SENP1: variants seen among roughly 807,000 people sequenced by gnomAD.
SENP1 encodes the protein SUMO specific peptidase 1, also known as sentrin-specific protease 1.
SENP1 carries 21 observed loss-of-function variants against 93.0 expected under a neutral mutation model. That is an observed-to-expected ratio of 0.23 (90% CI 0.16 to 0.33). The LOEUF is 0.33. Among genes scored for constraint, SENP1 ranks in the 10% least tolerant of loss-of-function variants. The pLI is 1.00. For synonymous variants in SENP1, 256 were observed against 259.6 expected, an observed-to-expected ratio of 0.99 and a Z score of 0.13; for missense variants, 591 against 758.7, an observed-to-expected ratio of 0.78 and a Z score of 2.60.
intron 3 of SENP1, among the ~76,000 whole-genome samples, chr12:48,096,702 C>T (rs1945586514): frequency 1.3e-5 from 2 of 152,136 alleles, no homozygotes; most frequent in African/African-American, 4.8e-5. Context: ...GTGATCCGCC[C>T]ACCTCGGCCT....
At chr12:48,056,526 CATATATAAATATATTATTTAAT>C (rs1565744411) in intron 13 of SENP1, among the ~76,000 whole-genome samples, 1,640 of 69,002 alleles carry the variant, frequency 0.024, 111 homozygotes, top group East Asian at 0.041. Flanking sequence ...TAATATATTA[CATATATAAATATATTATTTAAT>C]ATATTACATA....
intron 14 of SENP1, among the ~76,000 whole-genome samples, 158 bp downstream of exon 14, chr12:48,048,770 AT>A (rs1941563718): frequency 6.6e-6 from 1 of 152,174 alleles, no homozygotes; most frequent in East Asian, 1.9e-4. Context: ...CCCAATCTTG[AT>A]AGGAAGTTCA....
intron 1 of SENP1, among the ~76,000 whole-genome samples, chr12:48,102,810 C>CAAAA (rs1221712691): frequency 1.6e-4 from 13 of 83,134 alleles, no homozygotes; most frequent in African/African-American, 4.4e-4. Context: ...GACTCCGTCT[C>CAAAA]AAAAAAAAAA....
intron 8 of SENP1, 68 bp downstream of exon 8, chr12:48,074,256 G>A (rs1943910923): frequency 8.0e-7 from 1 of 1,253,732 alleles, no homozygotes; most frequent in Admixed American, 2.0e-5. Context: ...AATGTTGCCT[G>A]TAATGAGCTA....
intron 6 of SENP1, among the ~76,000 whole-genome samples, chr12:48,075,270 A>C (rs1943988557): frequency 6.6e-6 from 1 of 152,030 alleles, no homozygotes; most frequent in Admixed American, 6.6e-5. Context: ...TCAAGTGTGT[A>C]AAAGACAGGT....
intron 1 of SENP1, among the ~76,000 whole-genome samples, chr12:48,103,768 G>C (rs1053536719): frequency 2.0e-5 from 3 of 152,304 alleles, no homozygotes; most frequent in African/African-American, 7.2e-5. Flanking sequence ...GATGAAGTCA[G>C]GTTAGTAGTG....
At position 48,044,735 on chromosome 12, in the gene SENP1, T is replaced by C. The variant is rs1941242030; in HGVS notation, c.*587A>G. 6.5e-6 allele frequency: 1 copy of C among 153,190 alleles called. No homozygotes were observed. The highest frequency in any genetic ancestry group is 1.5e-5 in the Non-Finnish European group (1 of 68,528). The allele number at this position is 153,190 out of a possible 1,614,324, so 9.5% of individuals were successfully genotyped here. On this transcript the variant is annotated 3_prime_UTR_variant, in exon 18 of 18. Coordinates refer to ENST00000549518, the MANE Select transcript of SENP1 (RefSeq NM_001267594.2). ...ACAGCTACGTATAAAAGCAGATGGA[T>C]TTTGTATAGGGACATATAAATAGGA...
At chr12:48,105,558 G>A in intron 1 of SENP1, 1 of 502,070 alleles carries the variant, frequency 2.0e-6, no homozygotes, top group East Asian at 5.5e-5. Context: ...ATGTTTACGT[G>A]AGACGCAGAA....
rs1015568034 is a variant in SENP1, at chr12:48,083,216, T to C, written c.552+375A>G. ...CACGTCACGTGGACTGAAATAAAAT[T>C]TTATCAAAAACTACGGAGGAAGAGT... On this transcript the variant is annotated intron_variant, in intron 6 of 17. Transcript: ENST00000549518. Among the ~76,000 whole-genome samples the C allele has an allele frequency of 2.0e-5, 3 of 152,260 alleles. No homozygotes were observed. The East Asian group carries it at 5.8e-4, about 29-fold the overall frequency.
chr12:48,056,707 C>A (rs796123173), intron 13 of SENP1, among the ~76,000 whole-genome samples: 800 of 68,108 alleles, frequency 0.012, 10 homozygotes, highest in Middle Eastern at 0.069. Flanking sequence ...TAATATATTA[C>A]ATATTACATA....
chr12:48,078,777 C>T (rs945656088), intron 6 of SENP1, among the ~76,000 whole-genome samples: 1 of 152,164 alleles, frequency 6.6e-6, no homozygotes, highest in Non-Finnish European at 1.5e-5. Context: ...AAACTTTAAA[C>T]AAAATTCTTT....
In SENP1 at chr12:48,067,008, T is replaced by C. The variant is rs151154814; in HGVS notation, c.996-43A>G. On this transcript the variant is annotated intron_variant, in intron 9 of 17. Transcript: ENST00000549518. ...AAAATTTGACAAATGAGCAGGAGGC[T>C]TATGAGAAAATTAAAATATTTTCAT... 1.2e-4 allele frequency: 159 copies of C among 1,306,188 alleles called. 1 individual carries two copies. The African/African-American group carries it at 2.1e-3, about 18-fold the overall frequency. 80.9% of individuals were successfully genotyped at this position (1,306,188 alleles called of 1,614,324 possible).
In SENP1 at chr12:48,098,128, G is replaced by C. The variant is rs1214054172; in HGVS notation, c.5-4C>G. The C allele has an allele frequency of 6.2e-7, 1 of 1,612,280 alleles. No individual in the cohort carries two copies. The highest frequency in any genetic ancestry group is 2.2e-5 in the East Asian group (1 of 44,870). On this transcript the variant is annotated splice_region_variant and splice_polypyrimidine_tract_variant and intron_variant, in intron 2 of 17. Transcript: ENST00000549518. ...CTCATCCTATCAGCAATATCATCTG[G>C]GGAGACAGTCTGGATTAGTTCAAGT... is the stretch of plus-strand genomic sequence containing the variant.
At chr12:48,084,207 C>A (rs1325844356) in intron 5 of SENP1, among the ~76,000 whole-genome samples, 1 of 151,966 alleles carries the variant, frequency 6.6e-6, no homozygotes, top group Admixed American at 6.6e-5. Flanking sequence ...AAGGCTGAAG[C>A]CTCTCAACTA....
chr12:48,104,657 G>C (rs10875744), intron 1 of SENP1, among the ~76,000 whole-genome samples: 72,581 of 152,076 alleles, frequency 0.48, 17,687 homozygotes, highest in Middle Eastern at 0.58. Flanking sequence ...TCCATAAACA[G>C]GTACCGCAAG....
intron 13 of SENP1, among the ~76,000 whole-genome samples, chr12:48,051,170 G>C (rs757666104): frequency 1.3e-5 from 2 of 152,032 alleles, no homozygotes; most frequent in African/African-American, 2.4e-5. Context: ...AGAAACCAAG[G>C]AAGCTTAGCT....
In SENP1 at chr12:48,065,128, T is replaced by C. The variant is rs760953184; in HGVS notation, c.1212A>G (p.Gln404=). The C allele has an allele frequency of 3.1e-6, 5 of 1,609,908 alleles. No individual in the cohort carries two copies. The highest frequency in any genetic ancestry group is 1.3e-5 in the African/African-American group (1 of 74,974). ...ATTTATGACCTTTTTTTTGTGTTTC[T>C]TGGACAACAGTAACAGGAATCTCCT... ...LEKEIPVTVV[Q]ETQKKGHKLT... Residue 404 remains glutamine (Q), a synonymous_variant, in exon 12 of 18, where the codon CAA becomes CAG. Transcript: ENST00000549518.
At chr12:48,099,617 T>A (rs1353729121) in intron 2 of SENP1, among the ~76,000 whole-genome samples, 2 of 151,998 alleles carry the variant, frequency 1.3e-5, no homozygotes, top group African/African-American at 4.8e-5. Flanking sequence ...GCCAGGAGTT[T>A]GAGACCAGCC....
chr12:48,093,201 A>C (rs1215224416), intron 4 of SENP1, among the ~76,000 whole-genome samples: 1 of 151,772 alleles, frequency 6.6e-6, no homozygotes, highest in Non-Finnish European at 1.5e-5. Flanking sequence ...TCATTTTTAC[A>C]GAGATTTTAA....
Sources: allele counts gnomAD v4.1 joint callset (sites outside exome capture counted in the v4.1 genomes callset), GRCh38; gene constraint gnomAD v4.1.1; transcripts MANE v1.5; gene names NCBI Gene and HGNC (gene_info 2026-07-23, HGNC 2026-07-21).